Variants in ARMH4 observed in about 807,000 individuals in gnomAD.
ARMH4 encodes armadillo like helical domain containing 4.
In ARMH4, 49 loss-of-function variants were observed where a neutral mutation model predicts 61.9. The ratio of observed to expected loss-of-function variants is 0.79; its 90% CI spans 0.63 to 1.00. The LOEUF (loss-of-function observed/expected upper bound fraction) is 1.00. ARMH4 is among the 50% of genes least tolerant of loss of function. The probability of loss-of-function intolerance (pLI) is 0.00; values close to 1 mark genes in which losing one functional copy is unlikely to be tolerated. For missense variants in ARMH4, 934 were observed against 930.0 expected, an observed-to-expected ratio of 1.00 and a Z score of -0.06; for synonymous variants, 368 against 341.5, an observed-to-expected ratio of 1.08 and a Z score of -0.85.
At chr14:58,042,321 A>G (rs1481803414) in intron 5 of ARMH4, among the ~76,000 whole-genome samples, 1 of 152,236 alleles carries the variant, frequency 6.6e-6, no homozygotes, top group African/African-American at 2.4e-5. Context: ...AACTACATGG[A>G]AACTGAACAA....
intron 1 of ARMH4, among the ~76,000 whole-genome samples, chr14:58,143,692 G>A (rs1289544409): frequency 6.6e-6 from 1 of 150,852 alleles, no homozygotes; most frequent in Admixed American, 6.6e-5. Context: ...TCGAACTTCT[G>A]ACCCCAAGTG....
chr14:58,061,665 C>T (rs970752913), intron 5 of ARMH4, among the ~76,000 whole-genome samples: 4 of 152,144 alleles, frequency 2.6e-5, no homozygotes, highest in Non-Finnish European at 2.9e-5. Flanking sequence ...TAGTTTCAAT[C>T]GTGTGGGGTT....
intron 1 of ARMH4, among the ~76,000 whole-genome samples, chr14:58,143,373 G>A (rs951674667): frequency 6.6e-6 from 1 of 152,186 alleles, no homozygotes; most frequent in Non-Finnish European, 1.5e-5. Flanking sequence ...TAATGAGACG[G>A]GTGCTAAGTT....
intron 5 of ARMH4, among the ~76,000 whole-genome samples, chr14:58,020,294 T>C (rs1882774609): frequency 6.6e-6 from 1 of 151,942 alleles, no homozygotes; most frequent in Non-Finnish European, 1.5e-5. Context: ...CTTTCCTGAG[T>C]TCTGGATATG....
At chr14:58,079,530 G>A (rs1319308765) in intron 5 of ARMH4, among the ~76,000 whole-genome samples, 3 of 152,132 alleles carry the variant, frequency 2.0e-5, no homozygotes, top group Admixed American at 2.0e-4. Context: ...CTGTTGCAAT[G>A]GGGATTAAGC....
intron 5 of ARMH4, 105 bp from the exon 6 acceptor site, chr14:58,012,255 T>C: frequency 1.6e-6 from 1 of 616,834 alleles, no homozygotes; most frequent in Non-Finnish European, 2.7e-6. Flanking sequence ...TTAAATACAG[T>C]AAAAGGATTA....
Position 58,095,892 on chromosome 14 carries a change from A to G in ARMH4, c.2089+832T>C, listed in dbSNP as rs79896175. 1.9e-4 allele frequency among the ~76,000 whole-genome samples: 29 copies of G among 152,330 alleles called. No individual in the cohort carries two copies. The East Asian group carries it at 5.6e-3, about 29-fold the overall frequency. Reference sequence around the variant, plus strand: ...TCAATGGGCCTAGCTGTTAAAGACTAGGAGCATTTTAGAGAAGAGTTTCCT... The same window carrying G: ...TCAATGGGCCTAGCTGTTAAAGACTGGGAGCATTTTAGAGAAGAGTTTCCT... On this transcript the variant is annotated intron_variant, in intron 5 of 7. Transcript: ENST00000267485.
intron 5 of ARMH4, among the ~76,000 whole-genome samples, chr14:58,075,008 A>G (rs1885000137): frequency 2.0e-5 from 3 of 152,228 alleles, no homozygotes; most frequent in Non-Finnish European, 4.4e-5. Context: ...AAAGCTCATC[A>G]TAACTAGTCA....
At chr14:58,009,807 C>CAA (rs1180997628) in intron 6 of ARMH4, among the ~76,000 whole-genome samples, 502 of 45,976 alleles carry the variant, frequency 0.011, 23 homozygotes, top group African/African-American at 0.034. Context: ...CAAGACTCTG[C>CAA]AAAAAAAAAA....
At chr14:58,049,156 G>A (rs1049672336) in intron 5 of ARMH4, among the ~76,000 whole-genome samples, 1 of 151,172 alleles carries the variant, frequency 6.6e-6, no homozygotes, top group Admixed American at 6.6e-5. Flanking sequence ...GGAGAACGGT[G>A]TGAACCCAGG....
chr14:58,100,289 G>C (rs1002912593), intron 4 of ARMH4, among the ~76,000 whole-genome samples: 5 of 152,310 alleles, frequency 3.3e-5, no homozygotes, highest in Non-Finnish European at 2.9e-5. Flanking sequence ...CAGAGAAATG[G>C]GGCAGGACTG....
At chr14:58,046,504 G>A (rs118072671) in intron 5 of ARMH4, among the ~76,000 whole-genome samples, 6 of 152,250 alleles carry the variant, frequency 3.9e-5, no homozygotes, top group East Asian at 1.9e-4. Context: ...ATGAAGACAC[G>A]GAATCCTAAA....
intron 4 of ARMH4, among the ~76,000 whole-genome samples, chr14:58,114,671 T>C (rs1025852751): frequency 3.3e-5 from 5 of 152,300 alleles, no homozygotes; most frequent in African/African-American, 1.2e-4. Context: ...TTTTAAATTC[T>C]CCAATTTCAA....
At chr14:58,083,689 C>T (rs2141245980) in intron 5 of ARMH4, among the ~76,000 whole-genome samples, 1 of 152,334 alleles carries the variant, frequency 6.6e-6, no homozygotes. Flanking sequence ...AACTATTTTA[C>T]AACTCTTTAA....
chr14:58,011,606 A>T (rs1329127484), intron 6 of ARMH4, among the ~76,000 whole-genome samples: 1 of 152,152 alleles, frequency 6.6e-6, no homozygotes, highest in Admixed American at 6.6e-5. Context: ...AACAATATCA[A>T]CCTGGAAGTT....
At chr14:58,044,147 G>A (rs538228194) in intron 5 of ARMH4, among the ~76,000 whole-genome samples, 5 of 152,172 alleles carry the variant, frequency 3.3e-5, no homozygotes, top group South Asian at 4.2e-4. Flanking sequence ...AAAAGAGCCC[G>A]CATTGCCAAA....
chr14:58,081,266 C>T (rs1369142363), intron 5 of ARMH4, among the ~76,000 whole-genome samples: 2 of 152,092 alleles, frequency 1.3e-5, no homozygotes, highest in Non-Finnish European at 2.9e-5. Context: ...ACAAACGTAG[C>T]GTCTCAGGCC....
intron 5 of ARMH4, among the ~76,000 whole-genome samples, chr14:58,035,900 A>G (rs1215364846): frequency 7.2e-6 from 1 of 139,402 alleles, no homozygotes; most frequent in Non-Finnish European, 1.6e-5. Flanking sequence ...AAATTGTGGC[A>G]ATAATCAATA....
chr14:58,127,766 G>A (rs185637299), intron 4 of ARMH4, among the ~76,000 whole-genome samples: 15 of 152,214 alleles, frequency 9.9e-5, no homozygotes, highest in Admixed American at 2.6e-4. Flanking sequence ...GTCTCTGTGT[G>A]GTCCGCACCA....
Sources: gnomAD v4.1 joint callset for allele counts (sites outside exome capture counted in the v4.1 genomes callset) on GRCh38, gnomAD v4.1.1 for gene constraint, MANE v1.5 for transcripts, NCBI Gene and HGNC (gene_info 2026-07-23, HGNC 2026-07-21) for gene names.